MED12L: variants seen among roughly 807,000 people sequenced by gnomAD.
MED12L encodes the protein mediator complex subunit 12L.
In MED12L, 60 loss-of-function variants were observed where a neutral mutation model predicts 281.3. The observed-to-expected ratio is 0.21, with a 90% CI of 0.17 to 0.26. The LOEUF (loss-of-function observed/expected upper bound fraction) is 0.26, where lower values mean the gene tolerates loss of function less well. Among genes scored for constraint, MED12L ranks in the 10% least tolerant of loss-of-function variants. The pLI is 1.00. For missense variants in MED12L, 2,146 were observed against 2,680.9 expected, an observed-to-expected ratio of 0.80 and a Z score of 4.41; for synonymous variants, 974 against 987.2, an observed-to-expected ratio of 0.99 and a Z score of 0.25.
In MED12L at chr3:151,151,031, C is replaced by CTTTTTTTTT. The variant is rs573419924; in HGVS notation, c.557-5115_557-5107dup. ...ATCATTTGTATGACTGCTGAAGTAG[C>CTTTTTTTTT]TTTTTTTTTTTTTTTTTTTTTTTGA... On this transcript the variant is annotated intron_variant, in intron 5 of 44. Coordinates refer to ENST00000687756, the MANE Select transcript of MED12L (RefSeq NM_001393769.1). 1.3e-3 allele frequency among the ~76,000 whole-genome samples: 44 copies of CTTTTTTTTT among 32,882 alleles called. 17 individuals carry two copies. The highest frequency in any genetic ancestry group is 2.7e-3 in the African/African-American group (22 of 8,040). The allele number at this position is 32,882 out of a possible 152,430, so 21.6% of individuals were successfully genotyped here.
chr3:151,223,085 A>T (rs577011382), intron 16 of MED12L, among the ~76,000 whole-genome samples: 1 of 152,004 alleles, frequency 6.6e-6, no homozygotes, highest in Admixed American at 6.6e-5. Flanking sequence ...ATGGAGTAAT[A>T]ATCTCAGTGG....
At chr3:151,263,742 G>A (rs555556201) in intron 16 of MED12L, among the ~76,000 whole-genome samples, 1 of 131,686 alleles carries the variant, frequency 7.6e-6, no homozygotes, top group Non-Finnish European at 1.6e-5. Flanking sequence ...TACAGGGTTG[G>A]AATTCCTGGA....
At chr3:151,272,947 G>A (rs563094589) in intron 16 of MED12L, among the ~76,000 whole-genome samples, 3 of 152,254 alleles carry the variant, frequency 2.0e-5, no homozygotes, top group Non-Finnish European at 2.9e-5. Context: ...TCTGAAGTCC[G>A]AAGTGCTTCA....
At chr3:151,136,135 T>C (rs1024360384) in intron 5 of MED12L, among the ~76,000 whole-genome samples, 22 of 152,236 alleles carry the variant, frequency 1.4e-4, no homozygotes, top group Admixed American at 1.3e-3. Flanking sequence ...CCACTATCCT[T>C]ATCGCTCCCA....
rs752938218 is a variant in MED12L at position 151,432,856 on chromosome 3, A to G, written c.*52A>G. ...TTTATGTTTGCACTGAAAAACAGAA[A>G]ATCAAATTTAATGCATTAGTCATCT... On this transcript the variant is annotated 3_prime_UTR_variant, in exon 45 of 45. Coordinates refer to ENST00000687756, the MANE Select transcript of MED12L (RefSeq NM_001393769.1). The G allele has an allele frequency of 9.7e-6, 13 of 1,344,922 alleles. No individual in the cohort carries two copies. The highest frequency in any genetic ancestry group is 1.4e-5 in the Non-Finnish European group (13 of 952,592). 83.3% of individuals were successfully genotyped at this position (1,344,922 alleles called of 1,614,324 possible).
Position 151,382,703 on chromosome 3 carries a change from G to A in MED12L, c.4638G>A (p.Ala1546=), listed in dbSNP as rs772346652. The A allele has an allele frequency of 2.9e-5, 46 of 1,612,370 alleles. No individual in the cohort carries two copies. The highest frequency in any genetic ancestry group is 3.8e-5 in the Non-Finnish European group (45 of 1,179,250). ...AACGATACCAAGATGACATAAAAGC[G>A]CGGCAGATGATGCACGAAGCATTGC... ...REERYQDDIK[A]RQMMHEALQL... The change falls in exon 33 of 45, where the codon GCG becomes GCA. Residue 1546 remains alanine (A), a synonymous_variant. Coordinates refer to ENST00000687756, the MANE Select transcript of MED12L (RefSeq NM_001393769.1).
intron 11 of MED12L, among the ~76,000 whole-genome samples, chr3:151,184,592 A>G (rs1024131048): frequency 1.3e-4 from 20 of 152,010 alleles, no homozygotes; most frequent in Non-Finnish European, 1.0e-4. Context: ...CTGCACCCCT[A>G]TCCGCGACTC....
Position 151,283,458 on chromosome 3 carries a change from A to G in MED12L, c.2251-66601A>G, listed in dbSNP as rs112410509. On this transcript the variant is annotated intron_variant, in intron 16 of 44. Coordinates refer to ENST00000687756, the MANE Select transcript of MED12L (RefSeq NM_001393769.1). ...AGATGCTGAGGAAGCAGAGGAAAGC[A>G]TTTTCTTTTTCACCTTGAGGTCTCA... Among the ~76,000 whole-genome samples, 977 of 152,290 alleles carry G rather than the reference A, an allele frequency of 6.4e-3. 8 individuals are homozygous for G. The highest frequency in any genetic ancestry group is 0.013 in the South Asian group (61 of 4,824).
chr3:151,241,272 C>G (rs1306647116), intron 16 of MED12L, among the ~76,000 whole-genome samples: 1 of 152,080 alleles, frequency 6.6e-6, no homozygotes, highest in Non-Finnish European at 1.5e-5. Context: ...AATGGCAATA[C>G]CAAAGGTTAT....
intron 2 of MED12L, among the ~76,000 whole-genome samples, chr3:151,103,120 C>G (rs1721592834): frequency 6.6e-6 from 1 of 152,200 alleles, no homozygotes; most frequent in Admixed American, 6.5e-5. Flanking sequence ...AAAGAGAAAA[C>G]TATCTTTTGA....
chr3:151,382,379 T>C (rs1435706061), intron 32 of MED12L, among the ~76,000 whole-genome samples: 1 of 152,162 alleles, frequency 6.6e-6, no homozygotes, highest in Admixed American at 6.5e-5. Flanking sequence ...TATTAATGCT[T>C]AATTTGATGG....
At chr3:151,419,582 C>T (rs1380183582) in intron 43 of MED12L, among the ~76,000 whole-genome samples, 5 of 152,170 alleles carry the variant, frequency 3.3e-5, no homozygotes, top group Non-Finnish European at 7.3e-5. Context: ...AGGATCAATA[C>T]TTTGCATCTT....
intron 16 of MED12L, among the ~76,000 whole-genome samples, chr3:151,195,284 G>T (rs1231395928): frequency 6.6e-6 from 1 of 151,942 alleles, no homozygotes; most frequent in Admixed American, 6.6e-5. Flanking sequence ...TGGTATTTTG[G>T]AATATCTCCT....
chr3:151,245,258 A>G (rs1057147468), intron 16 of MED12L, among the ~76,000 whole-genome samples: 3 of 152,194 alleles, frequency 2.0e-5, no homozygotes, highest in Non-Finnish European at 4.4e-5. Context: ...AATCCTCCCT[A>G]ACTCATTTTA....
At chr3:151,333,837 T>C (rs1047365435) in intron 16 of MED12L, among the ~76,000 whole-genome samples, 22 of 152,004 alleles carry the variant, frequency 1.4e-4, no homozygotes, top group African/African-American at 5.1e-4. Flanking sequence ...CCTAGCACTT[T>C]AGGAGGCCAA....
intron 4 of MED12L, among the ~76,000 whole-genome samples, chr3:151,127,550 A>G (rs1181706707): frequency 1.4e-4 from 22 of 152,184 alleles, no homozygotes; most frequent in Admixed American, 1.4e-3. Flanking sequence ...TTTGAAAATC[A>G]TTTATTTAAA....
chr3:151,432,194 G>A (rs2108494432), intron 44 of MED12L, among the ~76,000 whole-genome samples: 1 of 152,212 alleles, frequency 6.6e-6, no homozygotes, highest in Non-Finnish European at 1.5e-5. Context: ...TCATTTTTTG[G>A]TATCTACTGA....
At chr3:151,242,320 A>G (rs572263966) in intron 16 of MED12L, among the ~76,000 whole-genome samples, 87 of 152,360 alleles carry the variant, frequency 5.7e-4, no homozygotes, top group African/African-American at 2.0e-3. Context: ...CTCTGGGGGC[A>G]GGGCACAGAC....
At chr3:151,232,779 A>C (rs763697414) in intron 16 of MED12L, among the ~76,000 whole-genome samples, 13 of 152,184 alleles carry the variant, frequency 8.5e-5, no homozygotes, top group Non-Finnish European at 1.6e-4. Context: ...ACTGAGGCTT[A>C]CTTGAGGATG....
Sources: allele counts gnomAD v4.1 joint callset (sites outside exome capture counted in the v4.1 genomes callset), GRCh38; gene constraint gnomAD v4.1.1; transcripts MANE v1.5; gene names NCBI Gene and HGNC (gene_info 2026-07-23, HGNC 2026-07-21).